Variants in PCNX2 observed in about 807,000 individuals in gnomAD.
The protein encoded by PCNX2 is pecanex-like protein 2.
A neutral mutation model predicts 223.8 loss-of-function variants in PCNX2; 168 were observed. The ratio of observed to expected loss-of-function variants is 0.75; its 90% CI spans 0.66 to 0.85. PCNX2 has a LOEUF of 0.85. Among genes scored for constraint, PCNX2 ranks in the 40% least tolerant of loss-of-function variants. The probability of loss-of-function intolerance (pLI) is 0.00; values close to 1 mark genes in which losing one functional copy is unlikely to be tolerated. For synonymous variants in PCNX2, 1,006 were observed against 1,052.6 expected, an observed-to-expected ratio of 0.96 and a Z score of 0.86; for missense variants, 2,507 against 2,675.5, an observed-to-expected ratio of 0.94 and a Z score of 1.39.
chr1:233,047,272 T>C (rs1671854909), intron 25 of PCNX2: 3 of 690,962 alleles, frequency 4.3e-6, no homozygotes, highest in Non-Finnish European at 5.3e-6. Flanking sequence ...CAAGATATAA[T>C]TGATCTAAGA....
At chr1:233,104,645 G>A (rs779202852) in intron 21 of PCNX2, among the ~76,000 whole-genome samples, 10 of 152,018 alleles carry the variant, frequency 6.6e-5, no homozygotes, top group East Asian at 1.9e-4. Context: ...ATATTTGACC[G>A]ACAGAATTAA....
intron 25 of PCNX2, among the ~76,000 whole-genome samples, chr1:233,031,290 T>C (rs1280786381): frequency 6.6e-6 from 1 of 152,222 alleles, no homozygotes; most frequent in Non-Finnish European, 1.5e-5. Flanking sequence ...ACACAAAACA[T>C]TTCGCTTCAC....
chr1:233,259,482 G>T, intron 4 of PCNX2, 138 bp from the exon 5 acceptor site: 1 of 1,274,366 alleles, frequency 7.8e-7, no homozygotes, highest in Non-Finnish European at 1.0e-6. Context: ...TTTACTTTAA[G>T]TTCTGGGTTA....
rs1240393380 is a variant in PCNX2, at chr1:233,123,155, T to C, written c.3837+11858A>G. On this transcript the variant is annotated intron_variant, in intron 21 of 33. Transcript: ENST00000258229. Reference sequence around the variant, plus strand: ...AATAGTAACACACTATTTGGGCTCATTAATTATGACAAATGTACCATACAA... The same window carrying C: ...AATAGTAACACACTATTTGGGCTCACTAATTATGACAAATGTACCATACAA... 3.3e-5 allele frequency among the ~76,000 whole-genome samples: 5 copies of C among 152,218 alleles called. No individual in the cohort carries two copies. In the East Asian group the frequency reaches 7.7e-4, roughly 23 times the overall value.
At chr1:233,192,170 CA>C (rs1264921110) in intron 15 of PCNX2, among the ~76,000 whole-genome samples, 2 of 152,078 alleles carry the variant, frequency 1.3e-5, no homozygotes, top group Admixed American at 1.3e-4. Flanking sequence ...GACTATAAGA[CA>C]AAAGTCATAA....
intron 13 of PCNX2, among the ~76,000 whole-genome samples, chr1:233,207,015 AAAAAAG>A (rs1167831182): frequency 2.0e-5 from 3 of 148,660 alleles, no homozygotes; most frequent in East Asian, 2.2e-4. Flanking sequence ...CAACAAAAAA[AAAAAAG>A]AAGAAGAAGA....
chr1:233,213,816 CTTTTTTTTTTTTTTT>C (rs71173256), intron 12 of PCNX2, among the ~76,000 whole-genome samples: 12 of 65,272 alleles, frequency 1.8e-4, no homozygotes, highest in Non-Finnish European at 8.3e-5. Flanking sequence ...CCAGTGCACT[CTTTTTTTTTTTTTTT>C]TTTTTTTTTT....
intron 17 of PCNX2, among the ~76,000 whole-genome samples, chr1:233,170,270 T>C (rs1679072533): frequency 6.6e-6 from 1 of 152,162 alleles, no homozygotes; most frequent in Non-Finnish European, 1.5e-5. Context: ...CCACCAGCAA[T>C]ACATGAGAAT....
At chr1:233,124,263 A>G (rs1054749725) in intron 21 of PCNX2, among the ~76,000 whole-genome samples, 1 of 152,214 alleles carries the variant, frequency 6.6e-6, no homozygotes, top group Non-Finnish European at 1.5e-5. Flanking sequence ...GTAGGGTATG[A>G]AGAACACTAG....
intron 15 of PCNX2, among the ~76,000 whole-genome samples, chr1:233,189,657 C>T (rs947485061): frequency 2.0e-5 from 3 of 152,116 alleles, no homozygotes; most frequent in Non-Finnish European, 2.9e-5. Context: ...AGGCTGCAAT[C>T]CTGTGGGACC....
At chr1:233,146,479 A>C (rs1558280285) in intron 19 of PCNX2, among the ~76,000 whole-genome samples, 1 of 152,238 alleles carries the variant, frequency 6.6e-6, no homozygotes, top group Non-Finnish European at 1.5e-5. Context: ...AATCAGTTAC[A>C]GTTAAGTTTC....
intron 1 of PCNX2, among the ~76,000 whole-genome samples, chr1:233,292,705 GA>G (rs1661842615): frequency 6.6e-6 from 1 of 152,134 alleles, no homozygotes; most frequent in Non-Finnish European, 1.5e-5. Flanking sequence ...ATTTAAGCAC[GA>G]AGATCTGAAG....
chr1:233,218,049 G>A lies in PCNX2; in HGVS notation c.2640C>T (p.Cys880=), dbSNP rs757069144. The A allele has an allele frequency of 6.2e-6, 10 of 1,606,464 alleles. No individual in the cohort carries two copies. In the South Asian group the frequency reaches 1.1e-4, roughly 18 times the overall value. The change falls in exon 11 of 34, where the codon TGC becomes TGT. Residue 880 remains cysteine (C), a synonymous_variant. Transcript: ENST00000258229. ...VLLFCLVMAS[C]QYSLLKSVQP... ...GTCTTGCCTTTAGCAGGGAGTACTG[G>A]CAGCTGGCCATGACGAGGCAGAAGA...
chr1:233,290,397 G>A (rs1369814374), intron 1 of PCNX2, among the ~76,000 whole-genome samples: 1 of 152,190 alleles, frequency 6.6e-6, no homozygotes, highest in Non-Finnish European at 1.5e-5. Context: ...TGGATAGAAA[G>A]GTGATAAAGC....
At chr1:233,068,539 G>A (rs973006723) in intron 23 of PCNX2, among the ~76,000 whole-genome samples, 3 of 152,058 alleles carry the variant, frequency 2.0e-5, no homozygotes, top group African/African-American at 7.2e-5. Context: ...ATAGTTCTAA[G>A]TGTATATACA....
intron 1 of PCNX2, among the ~76,000 whole-genome samples, chr1:233,294,892 G>A (rs1661978106): frequency 6.6e-6 from 1 of 152,060 alleles, no homozygotes. Context: ...AGAAGGTGAG[G>A]GGGGAAAAAG....
intron 15 of PCNX2, among the ~76,000 whole-genome samples, chr1:233,186,596 A>G (rs1680112979): frequency 6.6e-6 from 1 of 152,230 alleles, no homozygotes; most frequent in African/African-American, 2.4e-5. Flanking sequence ...GGGCTCCCCC[A>G]GTGCCTCACA....
intron 1 of PCNX2, among the ~76,000 whole-genome samples, chr1:233,287,733 C>T (rs545961013): frequency 5.9e-5 from 9 of 152,290 alleles, no homozygotes; most frequent in African/African-American, 2.2e-4. Context: ...AGTGATATGG[C>T]TGAGCAGGTA....
chr1:233,246,386 T>A (rs1180385092), intron 8 of PCNX2, among the ~76,000 whole-genome samples: 1 of 152,324 alleles, frequency 6.6e-6, no homozygotes, highest in East Asian at 1.9e-4. Context: ...CCTGAGCTTG[T>A]GACGCCATGG....
Sources: gnomAD v4.1 joint callset for allele counts (sites outside exome capture counted in the v4.1 genomes callset) on GRCh38, gnomAD v4.1.1 for gene constraint, MANE v1.5 for transcripts, NCBI Gene and HGNC (gene_info 2026-07-23, HGNC 2026-07-21) for gene names.